Variants in ITPKA observed in about 807,000 individuals in gnomAD.
The protein encoded by ITPKA is IP3 3-kinase A.
ITPKA carries 16 observed loss-of-function variants against 40.7 expected under a neutral mutation model. That is an observed-to-expected ratio of 0.39 (90% CI 0.27 to 0.60). ITPKA has a LOEUF of 0.60. Ranked by LOEUF, ITPKA falls within the 20% of genes least tolerant of loss-of-function variation. The pLI, the probability that ITPKA is intolerant of heterozygous loss-of-function variation, is 0.50. For synonymous variants in ITPKA, 313 were observed against 289.9 expected (o/e 1.08, Z -0.81); for missense variants, 540 against 649.3 (o/e 0.83, Z 1.83).
At position 41,501,730 on chromosome 15, in the gene ITPKA, C is replaced by T. The variant is rs569555910; in HGVS notation, c.682C>T (p.Arg228Cys). ...CLARLMADALRGCVPAFHGVV... is the reference protein window; with the variant it reads ...CLARLMADALCGCVPAFHGVV... ...GGCGCGGCTGATGGCTGACGCGCTG[C>T]GCGGCTGCGTGCCTGCCTTCCACGG... The change falls in exon 3 of 7, where the codon CGC becomes TGC. Residue 228 changes from arginine to cysteine, a missense_variant. Arg to Cys is a radical substitution (Grantham distance 180). Coordinates refer to ENST00000260386, the MANE Select transcript of ITPKA (RefSeq NM_002220.3). 5.0e-5 allele frequency: 81 copies of T among 1,611,578 alleles called. No homozygotes were observed. The East Asian group carries it at 1.6e-3, about 31-fold the overall frequency.
At position 41,502,000 on chromosome 15, in the gene ITPKA, TTACC is replaced by T; in HGVS notation, c.810_813del (p.Tyr270Ter). 1 of 1,612,788 alleles carries T rather than the reference TTACC, an allele frequency of 6.2e-7. No individual in the cohort carries two copies. ...GCCGCTGCCTGCGCCCCCACAGGAC[TTACC>T]TAGAGGAGGAGCTGACCAAGGCCCG... is the stretch of plus-strand genomic sequence containing the variant. On this transcript the variant is annotated frameshift_variant, in exon 4 of 7. Transcript: ENST00000260386. LOFTEE classifies it high-confidence loss of function.
intron 1 of ITPKA, among the ~76,000 whole-genome samples, chr15:41,497,594 T>A (rs1232713545): frequency 6.6e-6 from 1 of 152,182 alleles, no homozygotes; most frequent in Non-Finnish European, 1.5e-5. Flanking sequence ...AAGGTGGCAG[T>A]GATTTGAGTT....
chr15:41,497,039 C>G (rs2051077482), intron 1 of ITPKA, among the ~76,000 whole-genome samples: 1 of 152,154 alleles, frequency 6.6e-6, no homozygotes. Flanking sequence ...GTGTATCTGG[C>G]ATGAGCAGGT....
chr15:41,502,969 G>C lies in ITPKA; in HGVS notation c.1189G>C (p.Gly397Arg), dbSNP rs1457248710. ...SEFFRRHEVI[G>R]SSLLFVHDHC... ...GACGGTGCGGGGCTCGCAGGTGATC[G>C]GCAGCTCGCTCCTCTTTGTGCACGA... is the stretch of plus-strand genomic sequence containing the variant. Residue 397 changes from glycine (G) to arginine (R), a missense_variant, in exon 7 of 7, where the codon GGC becomes CGC. Transcript: ENST00000260386. The C allele has an allele frequency of 1.3e-6, 2 of 1,599,156 alleles. No homozygotes were observed. Among genetic ancestry groups the C allele is most frequent in the African/African-American group, 1.3e-5 (1 of 74,712 alleles).
rs115167399 is a variant in ITPKA, at chr15:41,499,011, C to T, written c.490-2452C>T. Among the ~76,000 whole-genome samples, 656 of 152,292 alleles carry T rather than the reference C, an allele frequency of 4.3e-3. 7 individuals are homozygous for T. The highest frequency in any genetic ancestry group is 0.015 in the African/African-American group (618 of 41,550). ...GTAAAATGGGAATGATACCACTTCA[C>T]GCACTTGCTATGCATGTGCATTCAT... On this transcript the variant is annotated intron_variant, in intron 1 of 6. Coordinates refer to ENST00000260386, the MANE Select transcript of ITPKA (RefSeq NM_002220.3).
At chr15:41,502,318 G>T (rs2051121114) in intron 4 of ITPKA, 84 bp from the exon 5 acceptor site, 1 of 1,388,376 alleles carries the variant, frequency 7.2e-7, no homozygotes, top group Middle Eastern at 2.3e-4. Flanking sequence ...GCCGTCCCCT[G>T]CAACTGGGAG....
chr15:41,502,616 GGCTCGCAACT>G (rs1374637312), intron 5 of ITPKA, 113 bp downstream of exon 5: 2 of 913,778 alleles, frequency 2.2e-6, no homozygotes, highest in Non-Finnish European at 3.4e-6. Context: ...TCACCGCGCT[GGCTCGCAACT>G]GCTCTACGCT....
chr15:41,500,105 C>T (rs34104137), intron 1 of ITPKA, among the ~76,000 whole-genome samples: 5,746 of 152,216 alleles, frequency 0.038, 173 homozygotes, highest in Non-Finnish European at 0.058. Flanking sequence ...GGACCACAGG[C>T]GCATGCCACC....
At position 41,493,905 on chromosome 15, in the gene ITPKA, A is replaced by G. The variant is rs2051050827; in HGVS notation, c.-23A>G. The G allele has an allele frequency of 1.0e-6, 1 of 1,003,188 alleles. No homozygotes were observed. Among genetic ancestry groups the G allele is most frequent in the Non-Finnish European group, 1.2e-6 (1 of 842,886 alleles). 62.1% of individuals were successfully genotyped at this position (1,003,188 alleles called of 1,614,324 possible). On this transcript the variant is annotated 5_prime_UTR_variant, in exon 1 of 7. Transcript: ENST00000260386. Reference sequence around the variant, plus strand: ...CGGCGCGCCGCGGGCTGGTGGGCTCAGCGGCGGCGCCGGCACTGGGAAATG... The same window carrying G: ...CGGCGCGCCGCGGGCTGGTGGGCTCGGCGGCGGCGCCGGCACTGGGAAATG...
At chr15:41,502,618 C>T in intron 5 of ITPKA, 115 bp downstream of exon 5, 2 of 908,072 alleles carry the variant, frequency 2.2e-6, no homozygotes, top group Non-Finnish European at 3.4e-6. Flanking sequence ...ACCGCGCTGG[C>T]TCGCAACTGC....
At chr15:41,501,431 C>T (rs1356247604) in intron 1 of ITPKA, 32 bp from the exon 2 acceptor site, 2 of 1,583,978 alleles carry the variant, frequency 1.3e-6, no homozygotes, top group East Asian at 2.3e-5. Context: ...GCCGAGACGC[C>T]GATTATCAGA....
At chr15:41,495,107 C>T (rs1289869738) in intron 1 of ITPKA, among the ~76,000 whole-genome samples, 3 of 152,236 alleles carry the variant, frequency 2.0e-5, no homozygotes, top group Non-Finnish European at 2.9e-5. Flanking sequence ...CTGCTAGTCT[C>T]TGCCTCTGAT....
chr15:41,498,374 C>G (rs1268731746), intron 1 of ITPKA, among the ~76,000 whole-genome samples: 1 of 151,268 alleles, frequency 6.6e-6, no homozygotes, highest in Admixed American at 6.6e-5. Context: ...TGCTGCTGCT[C>G]TTGATTCTTA....
intron 4 of ITPKA, 44 bp from the exon 5 acceptor site, chr15:41,502,358 C>A: frequency 6.9e-7 from 1 of 1,451,510 alleles, no homozygotes; most frequent in Non-Finnish European, 9.7e-7. Context: ...TCCTCTTCCC[C>A]ACTGGCGGGC....
intron 4 of ITPKA, 32 bp downstream of exon 4, chr15:41,502,233 C>T (rs755731848): frequency 1.3e-6 from 2 of 1,543,688 alleles, no homozygotes; most frequent in South Asian, 1.2e-5. Flanking sequence ...GGCACCGCCG[C>T]AGCCCCACTG....
Position 41,494,075 on chromosome 15 carries a change from G to A in ITPKA, c.148G>A (p.Ala50Thr). ...CTGTGCGGCGGTCGCTGCGGCCGCC[G>A]CCGCGGGGGAGCCCCGGGCCCGCGG... ...ARCAAVAAAA[A>T]AGEPRARGAK... The change falls in exon 1 of 7, where the codon GCC becomes ACC. Residue 50 changes from alanine to threonine, a missense_variant. By Grantham distance (58) the Ala-to-Thr change is moderately conservative (BLOSUM62 0). Transcript: ENST00000260386. The surrounding 1 kb of genome is among the most constrained non-coding windows in gnomAD (Gnocchi z 7.8). 8.0e-7 allele frequency: 1 copy of A among 1,245,224 alleles called. No homozygotes were observed. The highest frequency in any genetic ancestry group is 3.4e-5 in the South Asian group (1 of 29,098). 77.1% of individuals were successfully genotyped at this position (1,245,224 alleles called of 1,614,324 possible). A position where few individuals can be genotyped will look rare whatever the true frequency, so the allele number is the denominator to read the frequency against.
In ITPKA at chr15:41,503,309, G is replaced by C; in HGVS notation, c.*143G>C. ...TGCAGGACCAGGTGCCAGCCACTAA[G>C]GGGGGGCACCGCCGATGCCAGGGGT... On this transcript the variant is annotated 3_prime_UTR_variant, in exon 7 of 7. Coordinates refer to ENST00000260386, the MANE Select transcript of ITPKA (RefSeq NM_002220.3). 3.0e-6 allele frequency: 2 copies of C among 659,738 alleles called. No homozygotes were observed. Among genetic ancestry groups the C allele is most frequent in the Middle Eastern group, 4.2e-4 (1 of 2,368 alleles). The allele number at this position is 659,738 out of a possible 1,614,324, so 40.9% of individuals were successfully genotyped here.
At chr15:41,496,201 G>A (rs1367693232) in intron 1 of ITPKA, among the ~76,000 whole-genome samples, 1 of 152,248 alleles carries the variant, frequency 6.6e-6, no homozygotes, top group African/African-American at 2.4e-5. Flanking sequence ...TCCCAGAGCC[G>A]CACAGCGCGC....
chr15:41,500,219 A>G (rs2051100459), intron 1 of ITPKA, among the ~76,000 whole-genome samples: 1 of 152,214 alleles, frequency 6.6e-6, no homozygotes, highest in African/African-American at 2.4e-5. Flanking sequence ...TCAGTCTCCC[A>G]AAGTGCTGGG....
Sources: gnomAD v4.1 joint callset for allele counts (sites outside exome capture counted in the v4.1 genomes callset) on GRCh38, gnomAD v4.1.1 for gene constraint, Gnocchi (gnomAD v3.1) non-coding constraint, MANE v1.5 for transcripts, NCBI Gene and HGNC (gene_info 2026-07-23, HGNC 2026-07-21) for gene names.